WWOX: variants seen among roughly 807,000 people sequenced by gnomAD.
The protein encoded by WWOX is WW domain-containing oxidoreductase.
Under a neutral mutation model 46.2 loss-of-function variants are expected in WWOX, and 69 were observed. That is an observed-to-expected ratio of 1.49 (90% CI 1.23 to 1.82). The LOEUF is 1.82. WWOX is among the 40% of genes most tolerant of loss of function. WWOX has a pLI of 0.00. For missense variants in WWOX, 919 were observed against 542.6 expected (o/e 1.69, Z -6.89); for synonymous variants, 359 against 202.6 (o/e 1.77, Z -6.56).
chr16:78,618,287 G>T (rs903355916), intron 8 of WWOX, among the ~76,000 whole-genome samples: 6 of 152,192 alleles, frequency 3.9e-5, no homozygotes, highest in African/African-American at 9.6e-5. Context: ...TGCTTGGGCT[G>T]CTGTAGAAAT....
At chr16:78,134,376 A>G (rs56129600) in intron 4 of WWOX, among the ~76,000 whole-genome samples, 2 of 151,962 alleles carry the variant, frequency 1.3e-5, no homozygotes, top group African/African-American at 2.4e-5. Context: ...ATACTTCGCA[A>G]TGCCTGCTGA....
At chr16:79,024,054 C>T (rs371617638) in intron 8 of WWOX, among the ~76,000 whole-genome samples, 5 of 152,182 alleles carry the variant, frequency 3.3e-5, no homozygotes, top group African/African-American at 1.2e-4. Context: ...AGAATAGGCA[C>T]CTCCAAAGAG....
chr16:79,037,153 C>CA (rs2047883413), intron 8 of WWOX, among the ~76,000 whole-genome samples: 3 of 152,204 alleles, frequency 2.0e-5, no homozygotes, highest in Non-Finnish European at 1.5e-5. Context: ...GAGCACAAAG[C>CA]TGCCTTGACT....
chr16:79,178,797 A>G (rs1031543359), intron 8 of WWOX, among the ~76,000 whole-genome samples: 2 of 152,050 alleles, frequency 1.3e-5, no homozygotes, highest in African/African-American at 2.4e-5. Flanking sequence ...TCCAACTACA[A>G]TTTTTTTCCT....
intron 8 of WWOX, among the ~76,000 whole-genome samples, chr16:78,841,051 T>C (rs1291754473): frequency 6.6e-6 from 1 of 152,156 alleles, no homozygotes; most frequent in Non-Finnish European, 1.5e-5. Context: ...AACAAAGAAC[T>C]GCCCTCGTCC....
chr16:79,186,602 G>A (rs78089065), intron 8 of WWOX, among the ~76,000 whole-genome samples: 14 of 152,214 alleles, frequency 9.2e-5, no homozygotes, highest in Admixed American at 3.3e-4. Flanking sequence ...TCCAAGTAAC[G>A]TCACATTCTG....
chr16:78,714,533 A>G (rs140830644), intron 8 of WWOX, among the ~76,000 whole-genome samples: 19 of 152,150 alleles, frequency 1.2e-4, no homozygotes, highest in South Asian at 2.1e-4. Context: ...GGACACAGAC[A>G]CACCATATCA....
chr16:78,501,254 A>T (rs1362836098), intron 8 of WWOX, among the ~76,000 whole-genome samples: 10 of 141,014 alleles, frequency 7.1e-5, no homozygotes, highest in South Asian at 2.2e-4. Flanking sequence ...AACACAAAAT[A>T]AAAAAAAAAT....
At chr16:78,100,153 A>C in intron 1 of WWOX, 5 of 1,310,058 alleles carry the variant, frequency 3.8e-6, no homozygotes, top group Middle Eastern at 2.9e-4. Flanking sequence ...GGCGAGGGCA[A>C]AGCGGCCTCA....
chr16:78,152,107 G>A (rs1211899850), intron 4 of WWOX, among the ~76,000 whole-genome samples: 1 of 151,844 alleles, frequency 6.6e-6, no homozygotes, highest in East Asian at 1.9e-4. Context: ...GGAGAGTGGC[G>A]TGAACCCGGG....
rs200484928 is a variant in WWOX at position 78,830,296 on chromosome 16, CATA to C, written c.1057-381307_1057-381305del. Among the ~76,000 whole-genome samples the C allele has an allele frequency of 1.1e-3, 139 of 131,406 alleles. 1 individual carries two copies. Among genetic ancestry groups the C allele is most frequent in the Non-Finnish European group, 1.7e-3 (101 of 60,022 alleles). The allele number at this position is 131,406 out of a possible 152,430, so 86.2% of individuals were successfully genotyped here. A position where few individuals can be genotyped will look rare whatever the true frequency, so the allele number is the denominator to read the frequency against. ...TCCCTTTGTGTATGTTTAAAATTTT[CATA>C]ATAAGCATATTTATATATATACACA... On this transcript the variant is annotated intron_variant, in intron 8 of 8. Coordinates refer to ENST00000566780, the MANE Select transcript of WWOX (RefSeq NM_016373.4).
intron 8 of WWOX, among the ~76,000 whole-genome samples, chr16:79,045,897 G>A (rs563801270): frequency 1.5e-5 from 2 of 134,460 alleles, no homozygotes; most frequent in Non-Finnish European, 3.1e-5. Context: ...TGCCTCCCGG[G>A]TTCAAGTGAT....
chr16:78,954,016 C>A (rs762415550), intron 8 of WWOX, among the ~76,000 whole-genome samples: 31 of 152,228 alleles, frequency 2.0e-4, no homozygotes, highest in Non-Finnish European at 4.3e-4. Flanking sequence ...TCTTTGCTTT[C>A]ATAGGTTATT....
At chr16:78,387,065 A>C in intron 6 of WWOX, 117 bp downstream of exon 6, 1 of 1,020,376 alleles carries the variant, frequency 9.8e-7, no homozygotes, top group Non-Finnish European at 1.5e-6. Context: ...TCCAAACAGG[A>C]GGCTCATTTA....
intron 8 of WWOX, among the ~76,000 whole-genome samples, chr16:78,633,455 G>C (rs1428727383): frequency 6.6e-6 from 1 of 152,068 alleles, no homozygotes; most frequent in Non-Finnish European, 1.5e-5. Context: ...ATTTTGTACC[G>C]TATGACTTTA....
At chr16:78,195,106 C>A (rs2036006683) in intron 5 of WWOX, among the ~76,000 whole-genome samples, 1 of 152,192 alleles carries the variant, frequency 6.6e-6, no homozygotes, top group African/African-American at 2.4e-5. Context: ...CCCAGTCCTG[C>A]CAAGCTGTTC....
intron 8 of WWOX, among the ~76,000 whole-genome samples, chr16:78,688,001 C>T (rs552257489): frequency 6.6e-6 from 1 of 152,138 alleles, no homozygotes; most frequent in African/African-American, 2.4e-5. Flanking sequence ...GGTTTGCTGC[C>T]AATTGCTGCC....
At chr16:79,188,500 C>A (rs2051064462) in intron 8 of WWOX, among the ~76,000 whole-genome samples, 1 of 152,212 alleles carries the variant, frequency 6.6e-6, no homozygotes, top group African/African-American at 2.4e-5. Context: ...GCACGCATTG[C>A]CAGAGAAATC....
intron 8 of WWOX, among the ~76,000 whole-genome samples, chr16:79,064,039 C>G (rs1490409779): frequency 6.6e-6 from 1 of 152,180 alleles, no homozygotes; most frequent in African/African-American, 2.4e-5. Flanking sequence ...TTAGAAGCCT[C>G]AGAAGTGTGC....
Sources: allele counts gnomAD v4.1 joint callset (sites outside exome capture counted in the v4.1 genomes callset), GRCh38; gene constraint gnomAD v4.1.1; transcripts MANE v1.5; gene names NCBI Gene and HGNC (gene_info 2026-07-23, HGNC 2026-07-21).